SEPTIN9: variants seen among roughly 807,000 people sequenced by gnomAD.
The protein encoded by SEPTIN9 is septin-9.
In SEPTIN9, 13 loss-of-function variants were observed where a neutral mutation model predicts 56.6. That is an observed-to-expected ratio of 0.23 (90% CI 0.15 to 0.37). The LOEUF is 0.37. Among genes scored for constraint, SEPTIN9 ranks in the 10% least tolerant of loss-of-function variants. The pLI, the probability that SEPTIN9 is intolerant of heterozygous loss-of-function variation, is 1.00. For synonymous variants in SEPTIN9, 332 were observed against 334.1 expected (o/e 0.99, Z 0.07); for missense variants, 650 against 823.1 (o/e 0.79, Z 2.57).
At chr17:77,314,948 G>T (rs1341105394) in intron 2 of SEPTIN9, among the ~76,000 whole-genome samples, 1 of 152,180 alleles carries the variant, frequency 6.6e-6, no homozygotes, top group African/African-American at 2.4e-5. Context: ...TGGGGCGGCT[G>T]AACTGGACCT....
At chr17:77,365,875 C>T (rs2034555777) in intron 2 of SEPTIN9, among the ~76,000 whole-genome samples, 2 of 152,166 alleles carry the variant, frequency 1.3e-5, no homozygotes, top group Admixed American at 6.5e-5. Flanking sequence ...CTGCTTGAGT[C>T]CCTGTTGTTC....
At position 77,360,725 on chromosome 17, in the gene SEPTIN9, C is replaced by T. The variant is rs570195748; in HGVS notation, c.77-41334C>T. ...GACTACAGGCGCCCGCCACCACACC[C>T]GGCTAATTTTTTGTATTTTTAGTAG... On this transcript the variant is annotated intron_variant, in intron 2 of 11. Coordinates refer to ENST00000427177, the MANE Select transcript of SEPTIN9 (RefSeq NM_001113491.2). Among the ~76,000 whole-genome samples, 10 of 152,154 alleles carry T rather than the reference C, an allele frequency of 6.6e-5. No homozygotes were observed. The East Asian group carries it at 1.5e-3, about 24-fold the overall frequency.
chr17:77,474,075 A>C (rs1157782535), intron 3 of SEPTIN9, among the ~76,000 whole-genome samples: 2 of 151,346 alleles, frequency 1.3e-5, no homozygotes, highest in Non-Finnish European at 3.0e-5. Context: ...CCACCCACTC[A>C]CTCATACCTG....
rs2032596525 is a variant in SEPTIN9 at position 77,313,733 on chromosome 17, T to C, written c.76+6536T>C. 6.6e-6 allele frequency among the ~76,000 whole-genome samples: 1 copy of C among 152,116 alleles called. No individual in the cohort carries two copies. The highest frequency in any genetic ancestry group is 2.4e-5 in the African/African-American group (1 of 41,402). ...GGAAATGAATGGAAAAGTCTTTTTT[T>C]TTTCTTTTTTCTTTCTAGGCAGGGT... On this transcript the variant is annotated intron_variant, in intron 2 of 11. Transcript: ENST00000427177. The surrounding 1 kb of genome is among the most constrained non-coding windows in gnomAD (Gnocchi z 4.5).
chr17:77,419,515 C>T (rs1270446185), intron 3 of SEPTIN9, among the ~76,000 whole-genome samples: 1 of 152,156 alleles, frequency 6.6e-6, no homozygotes, highest in East Asian at 1.9e-4. Context: ...AGCGCTGTAC[C>T]TGCGACCCAG....
chr17:77,480,815 C>A (rs993876427), intron 3 of SEPTIN9, among the ~76,000 whole-genome samples: 4 of 152,166 alleles, frequency 2.6e-5, no homozygotes, highest in African/African-American at 4.8e-5. Context: ...GCCAGATCCT[C>A]CCTGGGAGGC....
intron 2 of SEPTIN9, among the ~76,000 whole-genome samples, chr17:77,345,485 A>G (rs1214105258): frequency 6.6e-6 from 1 of 152,220 alleles, no homozygotes; most frequent in Non-Finnish European, 1.5e-5. Context: ...GCCTACTGGT[A>G]ACAAAAAGGT....
chr17:77,306,328 C>A (rs1312033310), intron 1 of SEPTIN9, among the ~76,000 whole-genome samples: 4 of 152,198 alleles, frequency 2.6e-5, no homozygotes, highest in Non-Finnish European at 4.4e-5. Flanking sequence ...TGGCATTGCC[C>A]AGGGGACATC....
chr17:77,288,338 A>T (rs1198012314), intron 1 of SEPTIN9: 1 of 488,916 alleles, frequency 2.0e-6, no homozygotes, highest in Non-Finnish European at 2.7e-6. Flanking sequence ...TGGGCCCCGG[A>T]AGCCGAGGAT....
At chr17:77,325,528 G>C (rs563962208) in intron 2 of SEPTIN9, among the ~76,000 whole-genome samples, 1 of 152,278 alleles carries the variant, frequency 6.6e-6, no homozygotes, top group African/African-American at 2.4e-5. Flanking sequence ...GGAAAGCCTG[G>C]GCCGTCTTTC....
intron 2 of SEPTIN9, among the ~76,000 whole-genome samples, chr17:77,383,138 C>CTCCCTCCCTCTTTCTT (rs1173447839): frequency 6.6e-6 from 1 of 150,770 alleles, no homozygotes; most frequent in Non-Finnish European, 1.5e-5. Flanking sequence ...CCCTCCCTCT[C>CTCCCTCCCTCTTTCTT]TCCCTCCCTC....
rs1369449077 is a variant in SEPTIN9, at chr17:77,389,618, C to G, written c.77-12441C>G. ...ACCTGAAAGGTCATCTGGTCCCTCT[C>G]CTACCCCCAGGCAGGCCACACCTAG... On this transcript the variant is annotated intron_variant, in intron 2 of 11. Transcript: ENST00000427177. This position sits in a 1 kb window ranked among gnomAD's most constrained non-coding sequence, Gnocchi z 4.3. Among the ~76,000 whole-genome samples, 1 of 152,088 alleles carries G rather than the reference C, an allele frequency of 6.6e-6. No homozygotes were observed. The highest frequency in any genetic ancestry group is 1.9e-4 in the East Asian group (1 of 5,178).
At chr17:77,426,071 A>G (rs2036897952) in intron 3 of SEPTIN9, among the ~76,000 whole-genome samples, 1 of 152,000 alleles carries the variant, frequency 6.6e-6, no homozygotes, top group Non-Finnish European at 1.5e-5. Context: ...CAGCACCTCC[A>G]CACCAGGAAA....
Position 77,450,483 on chromosome 17 carries a change from C to T in SEPTIN9, c.722-31661C>T, listed in dbSNP as rs978003364. 3 of 985,310 alleles carry T rather than the reference C, an allele frequency of 3.0e-6. No individual in the cohort carries two copies. The highest frequency in any genetic ancestry group is 6.1e-5 in the Admixed American group (1 of 16,270). 61.0% of individuals were successfully genotyped at this position (985,310 alleles called of 1,614,324 possible). A position where few individuals can be genotyped will look rare whatever the true frequency, so the allele number is the denominator to read the frequency against. On this transcript the variant is annotated intron_variant, in intron 3 of 11. Coordinates refer to ENST00000427177, the MANE Select transcript of SEPTIN9 (RefSeq NM_001113491.2). The surrounding 1 kb of genome is among the most constrained non-coding windows in gnomAD (Gnocchi z 6.0). ...CCCTCGGAACGAGCCCACTCCCAGG[C>T]GCTCTCTCCTAGTGTGGGAGTGGCC...
Position 77,402,819 on chromosome 17 carries a change from A to G in SEPTIN9, c.721+116A>G. ...TATGGGGTGGAGGGTGCTACCCTGG[A>G]GACCCAGAAAGACCGGAATGCATGG... is the stretch of plus-strand genomic sequence containing the variant. On this transcript the variant is annotated intron_variant, in intron 3 of 11. Transcript: ENST00000427177. This position sits in a 1 kb window ranked among gnomAD's most constrained non-coding sequence, Gnocchi z 6.6. 1.9e-6 allele frequency: 2 copies of G among 1,036,626 alleles called. No homozygotes were observed. The highest frequency in any genetic ancestry group is 2.6e-5 in the East Asian group (1 of 39,160). The allele number at this position is 1,036,626 out of a possible 1,614,324, so 64.2% of individuals were successfully genotyped here.
chr17:77,475,160 T>G lies in SEPTIN9; in HGVS notation c.722-6984T>G. ...TGCTCTGAAGAAAGCCGGGCTGGGG[T>G]GAGCGTGATGGATGAGGTGTCTGGC... On this transcript the variant is annotated intron_variant, in intron 3 of 11. Transcript: ENST00000427177. The surrounding 1 kb of genome is among the most constrained non-coding windows in gnomAD (Gnocchi z 4.6). 1 of 1,076,758 alleles carries G rather than the reference T, an allele frequency of 9.3e-7. No homozygotes were observed. The allele number at this position is 1,076,758 out of a possible 1,614,324, so 66.7% of individuals were successfully genotyped here. A position where few individuals can be genotyped will look rare whatever the true frequency, so the allele number is the denominator to read the frequency against.
At chr17:77,466,618 G>A in intron 3 of SEPTIN9, 1 of 983,946 alleles carries the variant, frequency 1.0e-6, no homozygotes, top group Non-Finnish European at 1.2e-6. Context: ...GAAGCAGGAG[G>A]TGTGGAGGGT....
At chr17:77,362,008 A>G (rs2034434728) in intron 2 of SEPTIN9, among the ~76,000 whole-genome samples, 2 of 152,116 alleles carry the variant, frequency 1.3e-5, no homozygotes, top group Non-Finnish European at 2.9e-5. Flanking sequence ...TGTAGACCCC[A>G]TTTGTTTCCT....
intron 3 of SEPTIN9, among the ~76,000 whole-genome samples, chr17:77,468,472 C>T (rs550040901): frequency 2.6e-5 from 4 of 152,178 alleles, no homozygotes; most frequent in East Asian, 1.9e-4. Context: ...AGGTTAGGGG[C>T]GTGTGTTTTG....
Sources: gnomAD v4.1 joint callset for allele counts (sites outside exome capture counted in the v4.1 genomes callset) on GRCh38, gnomAD v4.1.1 for gene constraint, Gnocchi (gnomAD v3.1) non-coding constraint, MANE v1.5 for transcripts, NCBI Gene and HGNC (gene_info 2026-07-23, HGNC 2026-07-21) for gene names.